The following ADCY2 variants were observed in gnomAD, a reference collection of about 807,000 sequenced individuals.
The protein encoded by ADCY2 is adenylate cyclase type 2.
ADCY2 carries 31 observed loss-of-function variants against 125.2 expected under a neutral mutation model. The observed-to-expected ratio is 0.25, with a 90% CI of 0.19 to 0.33. ADCY2 has a LOEUF of 0.33. Ranked by LOEUF, ADCY2 falls within the 10% of genes least tolerant of loss-of-function variation. ADCY2 has a pLI of 1.00. For synonymous variants in ADCY2, 512 were observed against 548.4 expected, an observed-to-expected ratio of 0.93 and a Z score of 0.93; for missense variants, 904 against 1,418.2, an observed-to-expected ratio of 0.64 and a Z score of 5.82.
intron 4 of ADCY2, among the ~76,000 whole-genome samples, chr5:7,635,347 C>T (rs1461113698): frequency 6.6e-6 from 1 of 152,072 alleles, no homozygotes; most frequent in Non-Finnish European, 1.5e-5. Context: ...ACAGGAATAG[C>T]TTGGGTGAGA....
intron 3 of ADCY2, among the ~76,000 whole-genome samples, chr5:7,525,014 T>C (rs1226971170): frequency 1.3e-5 from 2 of 152,164 alleles, no homozygotes; most frequent in African/African-American, 2.4e-5. Context: ...TATTTATTTA[T>C]TTTTTAGAGA....
At chr5:7,763,817 T>C (rs1290524551) in intron 16 of ADCY2, among the ~76,000 whole-genome samples, 3 of 152,282 alleles carry the variant, frequency 2.0e-5, no homozygotes, top group Non-Finnish European at 4.4e-5. Context: ...CCCTTATTAA[T>C]TGCCTCTCTG....
At chr5:7,585,083 G>A (rs376207928) in intron 3 of ADCY2, among the ~76,000 whole-genome samples, 1 of 152,174 alleles carries the variant, frequency 6.6e-6, no homozygotes, top group African/African-American at 2.4e-5. Flanking sequence ...ATAAGAGGTG[G>A]CCAGATTTCA....
In ADCY2 at chr5:7,802,386, C is replaced by T. The variant is rs773627320; in HGVS notation, c.2775+22C>T. 7 of 1,610,952 alleles carry T rather than the reference C, an allele frequency of 4.3e-6. No homozygotes were observed. Among genetic ancestry groups the T allele is most frequent in the East Asian group, 4.5e-5 (2 of 44,874 alleles). ...TGATGTAGGTACTGAGAGTTGCCCT[C>T]GAAGGGCAGCAGTACACTCAGTCTC... is the stretch of plus-strand genomic sequence containing the variant. On this transcript the variant is annotated intron_variant, in intron 21 of 24. Transcript: ENST00000338316. The surrounding 1 kb of genome is among the most constrained non-coding windows in gnomAD (Gnocchi z 4.6).
chr5:7,528,946 G>C (rs962097757), intron 3 of ADCY2, among the ~76,000 whole-genome samples: 3 of 152,338 alleles, frequency 2.0e-5, no homozygotes, highest in African/African-American at 7.2e-5. Flanking sequence ...TCCCCAATGA[G>C]AGTCACACAG....
At chr5:7,571,539 T>G (rs1736065838) in intron 3 of ADCY2, among the ~76,000 whole-genome samples, 2 of 152,178 alleles carry the variant, frequency 1.3e-5, no homozygotes, top group African/African-American at 2.4e-5. Flanking sequence ...AACACATGCA[T>G]GCACACACCC....
At chr5:7,640,156 A>G (rs561749354) in intron 4 of ADCY2, among the ~76,000 whole-genome samples, 4 of 152,214 alleles carry the variant, frequency 2.6e-5, no homozygotes, top group African/African-American at 7.2e-5. Context: ...TTTGACATTG[A>G]TAAGTACAGT....
intron 2 of ADCY2, among the ~76,000 whole-genome samples, chr5:7,444,899 A>AT (rs1561029365): frequency 6.6e-6 from 1 of 151,924 alleles, no homozygotes; most frequent in African/African-American, 2.4e-5. Context: ...GGACATTTGA[A>AT]TTTTTTCTCC....
intron 4 of ADCY2, among the ~76,000 whole-genome samples, chr5:7,660,773 T>C (rs1021880108): frequency 1.1e-4 from 12 of 110,574 alleles, no homozygotes; most frequent in African/African-American, 3.8e-4. Flanking sequence ...TAATTGTAAA[T>C]GTTAATCACA....
chr5:7,484,210 G>A (rs1742841806), intron 2 of ADCY2, among the ~76,000 whole-genome samples: 1 of 152,172 alleles, frequency 6.6e-6, no homozygotes, highest in Non-Finnish European at 1.5e-5. Flanking sequence ...GATTATGGGT[G>A]CTTTGAGAGG....
intron 2 of ADCY2, among the ~76,000 whole-genome samples, chr5:7,501,639 TCCCCCCTCC>T (rs1209946528): frequency 0.038 from 1,423 of 37,284 alleles, 252 homozygotes; most frequent in African/African-American, 0.13. Flanking sequence ...AGAATGAGAT[TCCCCCCTCC>T]CCCCCCCCCC....
At chr5:7,754,262 C>T (rs187985234) in intron 15 of ADCY2, among the ~76,000 whole-genome samples, 18 of 152,138 alleles carry the variant, frequency 1.2e-4, no homozygotes, top group Admixed American at 7.9e-4. Context: ...ATTATCACCA[C>T]GTATTTTTCT....
chr5:7,826,040 G>A (rs1045264452), intron 24 of ADCY2, among the ~76,000 whole-genome samples: 8 of 152,218 alleles, frequency 5.3e-5, no homozygotes, highest in Admixed American at 2.6e-4. Flanking sequence ...CTTAGCCCCC[G>A]TTTCAATGCA....
intron 2 of ADCY2, among the ~76,000 whole-genome samples, chr5:7,499,983 C>T (rs1743503933): frequency 6.6e-6 from 1 of 152,090 alleles, no homozygotes; most frequent in African/African-American, 2.4e-5. Context: ...ACAAGAGACT[C>T]AAAGTGATTC....
intron 4 of ADCY2, among the ~76,000 whole-genome samples, chr5:7,637,431 C>CAAAAAAAAA (rs71591740): frequency 1.3e-5 from 1 of 74,628 alleles, no homozygotes. Flanking sequence ...GACTCCGTCT[C>CAAAAAAAAA]AAAAAAAAAA....
intron 4 of ADCY2, among the ~76,000 whole-genome samples, chr5:7,664,086 G>C (rs533069748): frequency 6.6e-6 from 1 of 152,274 alleles, no homozygotes; most frequent in East Asian, 1.9e-4. Flanking sequence ...ACTGGAAGTG[G>C]GTTTTCAAGG....
chr5:7,639,098 A>G (rs1459104248), intron 4 of ADCY2, among the ~76,000 whole-genome samples: 1 of 152,128 alleles, frequency 6.6e-6, no homozygotes, highest in Non-Finnish European at 1.5e-5. Context: ...TTCTTTTGTG[A>G]ATTGCCCAGT....
rs1371728897 is a variant in ADCY2, at chr5:7,649,694, A to G, written c.720+23378A>G. 3.9e-5 allele frequency among the ~76,000 whole-genome samples: 6 copies of G among 152,146 alleles called. No homozygotes were observed. The East Asian group carries it at 1.2e-3, about 29-fold the overall frequency. On this transcript the variant is annotated intron_variant, in intron 4 of 24. Coordinates refer to ENST00000338316, the MANE Select transcript of ADCY2 (RefSeq NM_020546.3). Reference sequence around the variant, plus strand: ...CTGCTTTACAACCGTCTACACACTAATAACTCCATAGCTCCTATCTCTCCC... The same window carrying G: ...CTGCTTTACAACCGTCTACACACTAGTAACTCCATAGCTCCTATCTCTCCC...
At chr5:7,766,983 G>A (rs73737625) in intron 17 of ADCY2, among the ~76,000 whole-genome samples, 177 bp downstream of exon 17, 1 of 152,246 alleles carries the variant, frequency 6.6e-6, no homozygotes, top group South Asian at 2.1e-4. Flanking sequence ...GGGCCCTTGG[G>A]AACTGGCTAC....
Sources: gnomAD v4.1 joint callset for allele counts (sites outside exome capture counted in the v4.1 genomes callset) on GRCh38, gnomAD v4.1.1 for gene constraint, Gnocchi (gnomAD v3.1) non-coding constraint, MANE v1.5 for transcripts, NCBI Gene and HGNC (gene_info 2026-07-23, HGNC 2026-07-21) for gene names.